The following USP24 variants were observed in gnomAD, a reference collection of about 807,000 sequenced individuals.
USP24 encodes the protein ubiquitin specific peptidase 24, also known as ubiquitin carboxyl-terminal hydrolase 24.
Under a neutral mutation model 361.6 loss-of-function variants are expected in USP24, and 97 were observed. That is an observed-to-expected ratio of 0.27 (90% confidence interval 0.23 to 0.32). The LOEUF (loss-of-function observed/expected upper bound fraction) is 0.32. Among genes scored for constraint, USP24 ranks in the 10% least tolerant of loss-of-function variants. The pLI is 1.00. For missense variants in USP24, 2,353 were observed against 3,165.6 expected (o/e 0.74, Z 6.16); for synonymous variants, 1,098 against 1,124.6 (o/e 0.98, Z 0.47).
chr1:55,077,236 A>G lies in USP24; in HGVS notation c.7379T>C (p.Leu2460Ser). The change falls in exon 62 of 68, where the codon TTG becomes TCG. Residue 2460 changes from leucine to serine, a missense_variant and splice_region_variant. Leu to Ser is a moderately radical substitution (Grantham distance 145). Coordinates refer to ENST00000294383, the MANE Select transcript of USP24 (RefSeq NM_015306.3). ...TGAGTCAGAACAGTTATGACTTACC[A>G]ATATTTCATGAAGTAGTTGGAACGT... Reference protein sequence around the residue: ...KNTFQLLHEILVIEDPIQVER... With the variant: ...KNTFQLLHEISVIEDPIQVER... The G allele has an allele frequency of 6.5e-7, 1 of 1,547,980 alleles. No homozygotes were observed.
At position 55,178,170 on chromosome 1, in the gene USP24, T is replaced by C; in HGVS notation, c.325-38A>G. On this transcript the variant is annotated intron_variant, in intron 1 of 67. Coordinates refer to ENST00000294383, the MANE Select transcript of USP24 (RefSeq NM_015306.3). ...GATTAAGATAAAAAGCAAATAAAAC[T>C]AATTAGTGATTACTCTAAAAATTTC... 3 of 1,546,204 alleles carry C rather than the reference T, an allele frequency of 1.9e-6. No individual in the cohort carries two copies. In the South Asian group the frequency reaches 3.6e-5, roughly 18 times the overall value.
At chr1:55,125,206 T>C in intron 34 of USP24, 114 bp downstream of exon 34, 1 of 962,020 alleles carries the variant, frequency 1.0e-6, no homozygotes, top group Non-Finnish European at 1.6e-6. Flanking sequence ...ACCATAAATT[T>C]CTTGAAGGCA....
chr1:55,081,490 C>G, intron 58 of USP24, 66 bp from the exon 59 acceptor site: 1 of 1,439,994 alleles, frequency 6.9e-7, no homozygotes, highest in Non-Finnish European at 9.8e-7. Flanking sequence ...GAGGAAGGGA[C>G]AGGGTTTGCT....
chr1:55,147,112 A>T, intron 18 of USP24, 52 bp from the exon 19 acceptor site: 1 of 1,482,446 alleles, frequency 6.7e-7, no homozygotes, highest in Non-Finnish European at 9.0e-7. Flanking sequence ...CATTCCTAAA[A>T]GCAACATTAA....
chr1:55,075,082 G>A (rs1644997933), intron 63 of USP24, among the ~76,000 whole-genome samples: 1 of 152,106 alleles, frequency 6.6e-6, no homozygotes. Context: ...TCATGAGCCT[G>A]ACAACATCCT....
At chr1:55,110,309 C>T (rs968281156) in intron 38 of USP24, 63 bp from the exon 39 acceptor site, 32 of 1,337,782 alleles carry the variant, frequency 2.4e-5, no homozygotes, top group Non-Finnish European at 3.2e-5. Context: ...AAGCATTTTC[C>T]TTGTAAGAAC....
chr1:55,118,376 G>A (rs1290227183), intron 38 of USP24, among the ~76,000 whole-genome samples: 2 of 152,122 alleles, frequency 1.3e-5, no homozygotes, highest in Admixed American at 6.5e-5. Flanking sequence ...TTTTAAAAAG[G>A]GGCACTGGGA....
chr1:55,096,301 T>C (rs1645494403), intron 50 of USP24, among the ~76,000 whole-genome samples, 197 bp downstream of exon 50: 1 of 152,220 alleles, frequency 6.6e-6, no homozygotes, highest in South Asian at 2.1e-4. Context: ...TAAGAAATTA[T>C]TTAAAAAAAT....
chr1:55,092,192 G>A (rs993773626), intron 53 of USP24, 66 bp from the exon 54 acceptor site: 2 of 725,598 alleles, frequency 2.8e-6, no homozygotes, highest in African/African-American at 1.7e-5. Flanking sequence ...ACACAGTTAC[G>A]AACTAAATTA....
intron 53 of USP24, 107 bp downstream of exon 53, chr1:55,092,714 A>G: frequency 4.9e-6 from 4 of 816,810 alleles, no homozygotes; most frequent in Non-Finnish European, 7.6e-6. Flanking sequence ...TTTGCATCTA[A>G]CCTGAATGCT....
chr1:55,115,483 G>A (rs555228941), intron 38 of USP24, among the ~76,000 whole-genome samples: 220 of 85,948 alleles, frequency 2.6e-3, no homozygotes, highest in Middle Eastern at 0.014. Flanking sequence ...GCGACAGAGC[G>A]AGACTCCGCC....
intron 1 of USP24, among the ~76,000 whole-genome samples, chr1:55,190,607 C>G (rs908263142): frequency 1.3e-5 from 2 of 152,280 alleles, no homozygotes; most frequent in African/African-American, 4.8e-5. Context: ...CCAAATGATA[C>G]AAAAGTAACC....
At chr1:55,100,268 A>G (rs555571380) in intron 44 of USP24, among the ~76,000 whole-genome samples, 1 of 152,218 alleles carries the variant, frequency 6.6e-6, no homozygotes, top group Non-Finnish European at 1.5e-5. Flanking sequence ...AGGCCGAGGC[A>G]GGCGGATCAC....
chr1:55,097,087 C>G lies in USP24; in HGVS notation c.5801G>C (p.Arg1934Pro). ...TCCTCCACCGCCCTGATCCACACTT[C>G]GCCCATTTTCCCCAACTTCAGAAGA... ...DSSSEVGENGRSVDQGGGGSP... is the reference protein window; with the variant it reads ...DSSSEVGENGPSVDQGGGGSP... Residue 1934 changes from arginine to proline, a missense_variant, in exon 49 of 68, where the codon CGA becomes CCA. Transcript: ENST00000294383. The G allele has an allele frequency of 1.2e-6, 2 of 1,613,950 alleles. No homozygotes were observed. The highest frequency in any genetic ancestry group is 1.7e-6 in the Non-Finnish European group (2 of 1,179,882).
chr1:55,213,363 CT>C (rs1379500793), intron 1 of USP24, among the ~76,000 whole-genome samples: 1 of 152,202 alleles, frequency 6.6e-6, no homozygotes, highest in Non-Finnish European at 1.5e-5. Flanking sequence ...AATCTAGCAA[CT>C]GTGTCTAAGT....
intron 38 of USP24, 100 bp downstream of exon 38, chr1:55,120,496 G>A (rs1646249057): frequency 7.6e-7 from 1 of 1,309,968 alleles, no homozygotes; most frequent in South Asian, 1.8e-5. Context: ...AGAAATTCTA[G>A]TCATCTCAAT....
chr1:55,194,190 A>C (rs1163788653), intron 1 of USP24, among the ~76,000 whole-genome samples: 1 of 152,242 alleles, frequency 6.6e-6, no homozygotes, highest in Non-Finnish European at 1.5e-5. Context: ...ATAAACAGCT[A>C]TCTAGCAGAA....
Position 55,083,371 on chromosome 1 carries a change from C to T in USP24, c.6883-7G>A, listed in dbSNP as rs749548908. Reference sequence around the variant, plus strand: ...CTCCAGCCCTAATTCCTTGCTGTCACAAGATATTGAGAATAACAAATTATA... The same window carrying T: ...CTCCAGCCCTAATTCCTTGCTGTCATAAGATATTGAGAATAACAAATTATA... On this transcript the variant is annotated splice_region_variant and splice_polypyrimidine_tract_variant and intron_variant, in intron 57 of 67. Transcript: ENST00000294383. 18 of 1,612,842 alleles carry T rather than the reference C, an allele frequency of 1.1e-5. No individual in the cohort carries two copies. Among genetic ancestry groups the T allele is most frequent in the Non-Finnish European group, 1.4e-5 (17 of 1,179,394 alleles).
At chr1:55,156,587 T>C (rs1316458906) in intron 12 of USP24, among the ~76,000 whole-genome samples, 1 of 152,110 alleles carries the variant, frequency 6.6e-6, no homozygotes, top group African/African-American at 2.4e-5. Context: ...CTTTATTTAA[T>C]AGGGACTAAA....
Sources: allele counts gnomAD v4.1 joint callset (sites outside exome capture counted in the v4.1 genomes callset), GRCh38; gene constraint gnomAD v4.1.1; transcripts MANE v1.5; gene names NCBI Gene and HGNC (gene_info 2026-07-23, HGNC 2026-07-21).